Variants in DIAPH2 observed in about 807,000 individuals in gnomAD.
DIAPH2 encodes the protein protein diaphanous homolog 2.
DIAPH2 carries 35 observed loss-of-function variants against 92.7 expected under a neutral mutation model. The observed-to-expected ratio is 0.38, with a 90% CI of 0.29 to 0.50. The LOEUF (loss-of-function observed/expected upper bound fraction) is 0.50. Among genes scored for constraint, DIAPH2 ranks in the 20% least tolerant of loss-of-function variants. The pLI is 0.94. For synonymous variants in DIAPH2, 301 were observed against 280.4 expected (o/e 1.07, Z -0.73); for missense variants, 701 against 819.5 (o/e 0.86, Z 1.77).
intron 26 of DIAPH2, among the ~76,000 whole-genome samples, chrX:97,508,034 C>T (rs1238407825): frequency 9.0e-6 from 1 of 111,524 alleles, no homozygotes; most frequent in Non-Finnish European, 1.9e-5. Context: ...GTCTCCATCC[C>T]ATTACCCCCA....
At chrX:97,197,241 T>C (rs2067711829) in intron 22 of DIAPH2, among the ~76,000 whole-genome samples, 1 of 112,065 alleles carries the variant, frequency 8.9e-6, no homozygotes. Flanking sequence ...AGAAAAATGG[T>C]AACTTAATTC....
At chrX:97,340,682 G>GC (rs767340261) in intron 23 of DIAPH2, among the ~76,000 whole-genome samples, 1 of 100,978 alleles carries the variant, frequency 9.9e-6, no homozygotes, top group South Asian at 4.8e-4. Flanking sequence ...TTGAGATGGA[G>GC]CCTCGCTCTG....
At chrX:97,081,855 G>A (rs1049885455) in intron 19 of DIAPH2, 2 of 108,834 alleles carry the variant, frequency 1.8e-5, no homozygotes, top group East Asian at 2.9e-4. Flanking sequence ...CGGGCGTGGT[G>A]GCTCATGCCT....
intron 25 of DIAPH2, among the ~76,000 whole-genome samples, chrX:97,397,899 T>C (rs747890204): frequency 1.5e-4 from 17 of 112,672 alleles, no homozygotes; most frequent in African/African-American, 6.4e-5. Flanking sequence ...TGCTTTCTTT[T>C]GCCAATTGAA....
At chrX:96,795,854 A>G (rs1393300843) in intron 4 of DIAPH2, among the ~76,000 whole-genome samples, 1 of 111,832 alleles carries the variant, frequency 8.9e-6, no homozygotes, top group Non-Finnish European at 1.9e-5. Context: ...TAGACAGCAT[A>G]TATTTGGGTA....
At chrX:96,980,102 T>C (rs1336054939) in intron 17 of DIAPH2, among the ~76,000 whole-genome samples, 1 of 111,392 alleles carries the variant, frequency 9.0e-6, no homozygotes, top group Non-Finnish European at 1.9e-5. Flanking sequence ...ATGGCTTAAG[T>C]GTTTAACAGC....
intron 23 of DIAPH2, among the ~76,000 whole-genome samples, chrX:97,253,649 C>G (rs1260097161): frequency 2.7e-5 from 3 of 110,758 alleles, no homozygotes; most frequent in Admixed American, 1.9e-4. Context: ...ACTCAGGAGG[C>G]TGAGGCAGAA....
intron 22 of DIAPH2, among the ~76,000 whole-genome samples, chrX:97,225,384 C>A (rs1004176851): frequency 2.7e-5 from 3 of 111,313 alleles, no homozygotes; most frequent in Non-Finnish European, 5.7e-5. Context: ...TGCAGATACC[C>A]AACTGGAGCC....
At chrX:97,095,033 G>T (rs1307789846) in intron 19 of DIAPH2, among the ~76,000 whole-genome samples, 1 of 105,382 alleles carries the variant, frequency 9.5e-6, no homozygotes, top group African/African-American at 3.4e-5. Context: ...CAAGCAAAAT[G>T]GGGAAAAGAT....
At chrX:96,876,990 AT>A (rs1262943650) in intron 4 of DIAPH2, among the ~76,000 whole-genome samples, 3 of 111,573 alleles carry the variant, frequency 2.7e-5, no homozygotes, top group African/African-American at 9.7e-5. Context: ...TATTTTTTAT[AT>A]TTTTTGATAC....
chrX:97,186,131 G>T (rs2067602944), intron 22 of DIAPH2, among the ~76,000 whole-genome samples: 1 of 110,515 alleles, frequency 9.0e-6, no homozygotes, highest in African/African-American at 3.3e-5. Flanking sequence ...ATTTTTGTTT[G>T]GTTTCAGTTC....
At chrX:97,277,724 C>T (rs764022523) in intron 23 of DIAPH2, among the ~76,000 whole-genome samples, 1 of 112,145 alleles carries the variant, frequency 8.9e-6, no homozygotes, top group East Asian at 2.8e-4. Flanking sequence ...CCCTGTTCCT[C>T]AATCTGAATG....
At chrX:96,914,616 T>C (rs1457026550) in intron 7 of DIAPH2, among the ~76,000 whole-genome samples, 2 of 110,937 alleles carry the variant, frequency 1.8e-5, no homozygotes, top group Non-Finnish European at 3.8e-5. Flanking sequence ...TAAGTAATTT[T>C]AATCAGGACA....
intron 4 of DIAPH2, among the ~76,000 whole-genome samples, chrX:96,843,310 C>T (rs893538398): frequency 1.8e-5 from 2 of 111,584 alleles, no homozygotes; most frequent in Non-Finnish European, 3.8e-5. Flanking sequence ...CAGTACAGCC[C>T]GCAGAACTGT....
At chrX:97,389,405 G>T (rs953271036) in intron 25 of DIAPH2, among the ~76,000 whole-genome samples, 1 of 103,656 alleles carries the variant, frequency 9.6e-6, no homozygotes, top group East Asian at 3.1e-4. Context: ...GGCAGAAGTT[G>T]CAGTGAGCCG....
rs200533896 is a variant in DIAPH2, at chrX:96,871,724, T to C, written c.448-9855T>C. Among the ~76,000 whole-genome samples the C allele has an allele frequency of 2.7e-5, 3 of 111,797 alleles. No homozygotes were observed. In the East Asian group the frequency reaches 8.4e-4, roughly 31 times the overall value. On this transcript the variant is annotated intron_variant, in intron 4 of 26. Coordinates refer to ENST00000324765, the MANE Select transcript of DIAPH2 (RefSeq NM_006729.5). ...ATCATATTAAAATGTACTTATAAAA[T>C]TGTTTTTAAAAATTATGACACATTC...
intron 17 of DIAPH2, among the ~76,000 whole-genome samples, chrX:96,986,111 CTG>C (rs1260780203): frequency 9.0e-6 from 1 of 111,176 alleles, no homozygotes; most frequent in Non-Finnish European, 1.9e-5. Flanking sequence ...TGAAATCATA[CTG>C]TGTCACTTTT....
chrX:97,002,973 G>T (rs1210988196), intron 17 of DIAPH2, among the ~76,000 whole-genome samples: 1 of 110,822 alleles, frequency 9.0e-6, no homozygotes, highest in African/African-American at 3.3e-5. Context: ...GCTAACCATC[G>T]TTCTACTATC....
chrX:97,282,782 G>A (rs1343459020), intron 23 of DIAPH2, among the ~76,000 whole-genome samples: 1 of 111,879 alleles, frequency 8.9e-6, no homozygotes, highest in Non-Finnish European at 1.9e-5. Flanking sequence ...TAACATGATA[G>A]TGGTAGTTCT....
Sources: allele counts gnomAD v4.1 joint callset (sites outside exome capture counted in the v4.1 genomes callset), GRCh38; gene constraint gnomAD v4.1.1; transcripts MANE v1.5; gene names NCBI Gene and HGNC (gene_info 2026-07-23, HGNC 2026-07-21).